The following MRTFA variants were observed in gnomAD, a reference collection of about 807,000 sequenced individuals.
The protein encoded by MRTFA is myocardin-related transcription factor A.
Under a neutral mutation model 83.5 loss-of-function variants are expected in MRTFA, and 20 were observed. The observed-to-expected ratio is 0.24, with a 90% confidence interval of 0.17 to 0.35. The LOEUF (loss-of-function observed/expected upper bound fraction) is 0.35. Among genes scored for constraint, MRTFA ranks in the 10% least tolerant of loss-of-function variants. The probability of loss-of-function intolerance (pLI) is 1.00; values close to 1 mark genes in which losing one functional copy is unlikely to be tolerated. For synonymous variants in MRTFA, 659 were observed against 541.2 expected (o/e 1.22, Z -3.02); for missense variants, 1,200 against 1,224.7 (o/e 0.98, Z 0.30).
chr22:40,612,889 G>C (rs1003359957), intron 1 of MRTFA, among the ~76,000 whole-genome samples: 2 of 152,184 alleles, frequency 1.3e-5, no homozygotes, highest in African/African-American at 4.8e-5. Flanking sequence ...CGAGCCTGCA[G>C]TGAGCCATGA....
chr22:40,424,422 G>A (rs756001879), intron 7 of MRTFA, 41 bp from the exon 8 acceptor site: 14 of 1,601,066 alleles, frequency 8.7e-6, no homozygotes, highest in Non-Finnish European at 1.2e-5. Context: ...TTCCAGCCCA[G>A]GGAACAGATG....
intron 3 of MRTFA, among the ~76,000 whole-genome samples, chr22:40,501,968 G>T (rs2054487045): frequency 1.6e-5 from 2 of 126,916 alleles, no homozygotes; most frequent in Admixed American, 7.2e-5. Context: ...CGGGGCGGCT[G>T]GCCGGGCGGG....
chr22:40,468,721 T>A (rs1005070710), intron 3 of MRTFA, among the ~76,000 whole-genome samples: 1 of 152,218 alleles, frequency 6.6e-6, no homozygotes. Flanking sequence ...CAGTGCTGCA[T>A]TTGAAAATTA....
At chr22:40,417,628 A>C (rs577196619) in intron 12 of MRTFA, 135 bp from the exon 13 acceptor site, 5 of 655,616 alleles carry the variant, frequency 7.6e-6, no homozygotes, top group Non-Finnish European at 1.3e-5. Flanking sequence ...ACTGGCTTTT[A>C]GGGAGCTTTC....
At chr22:40,538,736 C>A (rs1237224258) in intron 3 of MRTFA, among the ~76,000 whole-genome samples, 1 of 152,002 alleles carries the variant, frequency 6.6e-6, no homozygotes, top group Admixed American at 6.6e-5. Context: ...AGCTTCAGTT[C>A]CATTATTTTT....
chr22:40,535,027 C>T (rs1361642205), intron 3 of MRTFA, among the ~76,000 whole-genome samples: 1 of 152,182 alleles, frequency 6.6e-6, no homozygotes, highest in Non-Finnish European at 1.5e-5. Context: ...TCCTTCCTTT[C>T]TCACTCCAAG....
chr22:40,463,838 T>G (rs2053761459), intron 3 of MRTFA, among the ~76,000 whole-genome samples: 1 of 152,156 alleles, frequency 6.6e-6, no homozygotes, highest in Non-Finnish European at 1.5e-5. Context: ...TATGCCTCTG[T>G]TTTTCTTCTT....
chr22:40,626,866 A>AACACACACACACACACACAC (rs141945541), intron 1 of MRTFA, among the ~76,000 whole-genome samples: 40 of 145,224 alleles, frequency 2.8e-4, no homozygotes, highest in African/African-American at 9.7e-4. Flanking sequence ...CCCTGTCTCA[A>AACACACACACACACACACAC]ACACACACAC....
Position 40,418,500 on chromosome 22 carries a change from G to T in MRTFA, c.2238C>A (p.Gly746=), listed in dbSNP as rs746173838. ...GTGCAACCCCCTTGATGAGGCTGGG[G>T]CCCTGAGGCCCCAGAAGCAACTGGG... Residue 746 remains glycine (G), a synonymous_variant, in exon 12 of 15, where the codon GGC becomes GGA. Coordinates refer to ENST00000355630, the MANE Select transcript of MRTFA (RefSeq NM_020831.6). 6.2e-7 allele frequency: 1 copy of T among 1,601,756 alleles called. No individual in the cohort carries two copies.
chr22:40,612,184 T>A (rs942867404), intron 1 of MRTFA, among the ~76,000 whole-genome samples: 5 of 152,250 alleles, frequency 3.3e-5, no homozygotes, highest in African/African-American at 1.2e-4. Flanking sequence ...TGTAAATACA[T>A]ATGGTAGATA....
intron 4 of MRTFA, among the ~76,000 whole-genome samples, chr22:40,460,311 G>A (rs2053687841): frequency 6.6e-6 from 1 of 152,114 alleles, no homozygotes; most frequent in African/African-American, 2.4e-5. Flanking sequence ...ATCTCCAGTA[G>A]CCCCTGCTAC....
chr22:40,451,528 A>G (rs1181193668), intron 4 of MRTFA, among the ~76,000 whole-genome samples: 2 of 152,232 alleles, frequency 1.3e-5, no homozygotes, highest in East Asian at 3.8e-4. Flanking sequence ...GTGGAGACGC[A>G]GGATGCTCAA....
intron 4 of MRTFA, among the ~76,000 whole-genome samples, chr22:40,443,227 G>A (rs868475640): frequency 1.3e-5 from 2 of 152,020 alleles, no homozygotes; most frequent in South Asian, 4.2e-4. Flanking sequence ...ACTCTAGCCT[G>A]AGCGACACAG....
rs2052739943 is a variant in MRTFA at position 40,418,501 on chromosome 22, C to A, written c.2237G>T (p.Gly746Val). ...TGCAACCCCCTTGATGAGGCTGGGGCCCTGAGGCCCCAGAAGCAACTGGGG... is the reference window on the plus strand; with the variant it reads ...TGCAACCCCCTTGATGAGGCTGGGGACCTGAGGCCCCAGAAGCAACTGGGG... Residue 746 changes from glycine to valine, a missense_variant, in exon 12 of 15, where the codon GGC becomes GTC. Gly to Val is a moderately radical substitution (Grantham distance 109, BLOSUM62 -3). Around this residue, in one of 2 missense-constraint regions of MRTFA, gnomAD observed 1,107 missense variants for 1,041.8 expected, o/e 1.06. Transcript: ENST00000355630. 1.9e-6 allele frequency: 3 copies of A among 1,601,278 alleles called. No individual in the cohort carries two copies. Among genetic ancestry groups the A allele is most frequent in the African/African-American group, 2.7e-5 (2 of 74,356 alleles).
intron 3 of MRTFA, among the ~76,000 whole-genome samples, chr22:40,504,660 A>C (rs906825510): frequency 6.6e-6 from 1 of 152,228 alleles, no homozygotes; most frequent in Non-Finnish European, 1.5e-5. Flanking sequence ...CAAGGAAAGA[A>C]AGAGGAAAGC....
At position 40,411,317 on chromosome 22, in the gene MRTFA, A is replaced by G; in HGVS notation, c.*73T>C. On this transcript the variant is annotated 3_prime_UTR_variant, in exon 15 of 15. Coordinates refer to ENST00000355630, the MANE Select transcript of MRTFA (RefSeq NM_020831.6). ...ACTCACAACCATGTGGAGAGGCCGA[A>G]TCACGCAGGAGAGCCACGCATTGGA... is the stretch of plus-strand genomic sequence containing the variant. 1.4e-6 allele frequency: 2 copies of G among 1,462,960 alleles called. No homozygotes were observed. Among genetic ancestry groups the G allele is most frequent in the Non-Finnish European group, 1.8e-6 (2 of 1,089,330 alleles). The allele number at this position is 1,462,960 out of a possible 1,614,324, so 90.6% of individuals were successfully genotyped here.
At chr22:40,426,145 A>G (rs80207320) in intron 7 of MRTFA, among the ~76,000 whole-genome samples, 6,037 of 152,074 alleles carry the variant, frequency 0.04, 165 homozygotes, top group Middle Eastern at 0.082. Flanking sequence ...CCCAACCCCC[A>G]TCAGCCCTTT....
intron 4 of MRTFA, 50 bp from the exon 5 acceptor site, chr22:40,435,604 T>A (rs1423791778): frequency 6.3e-7 from 1 of 1,589,436 alleles, no homozygotes; most frequent in Non-Finnish European, 8.6e-7. Flanking sequence ...GCATCATGTC[T>A]AGTGCTACGA....
chr22:40,417,352 G>T lies in MRTFA; in HGVS notation c.2506C>A (p.Pro836Thr). Residue 836 changes from proline to threonine, a missense_variant, in exon 13 of 15, where the codon CCC becomes ACC. Physicochemically the swap from Pro to Thr is conservative, Grantham distance 38 (BLOSUM62 -1). Coordinates refer to ENST00000355630, the MANE Select transcript of MRTFA (RefSeq NM_020831.6). ...CCCGCCTTCCTCACCTGCTGTTTGG[G>T]CTGCTGGCTCATGGCTTCCTCATAG... 1 of 1,611,300 alleles carries T rather than the reference G, an allele frequency of 6.2e-7. No homozygotes were observed. Among genetic ancestry groups the T allele is most frequent in the Non-Finnish European group, 8.5e-7 (1 of 1,179,722 alleles).
Sources: gnomAD v4.1 joint callset for allele counts (sites outside exome capture counted in the v4.1 genomes callset) on GRCh38, gnomAD v4.1.1 for gene constraint, gnomAD v4.1.1 regional missense constraint, MANE v1.5 for transcripts, NCBI Gene and HGNC (gene_info 2026-07-23, HGNC 2026-07-21) for gene names.